SLC26A8: variants seen among roughly 807,000 people sequenced by gnomAD.
SLC26A8 encodes the protein testis anion transporter 1.
A neutral mutation model predicts 105.0 loss-of-function variants in SLC26A8; 70 were observed. The observed-to-expected ratio is 0.67, with a 90% CI of 0.55 to 0.81. SLC26A8 has a LOEUF of 0.81. SLC26A8 is among the 40% of genes least tolerant of loss of function. The pLI is 0.00. For synonymous variants in SLC26A8, 415 were observed against 438.3 expected (o/e 0.95, Z 0.66); for missense variants, 998 against 1,181.8 (o/e 0.84, Z 2.28).
At chr6:36,018,977 AGTGTAG>A (rs1762062169) in intron 2 of SLC26A8, among the ~76,000 whole-genome samples, 1 of 152,072 alleles carries the variant, frequency 6.6e-6, no homozygotes, top group Non-Finnish European at 1.5e-5. Flanking sequence ...CCCAGGCTAG[AGTGTAG>A]TGGCACAATC....
chr6:35,991,765 G>A lies in SLC26A8; in HGVS notation c.836C>T (p.Thr279Ile). 6.2e-7 allele frequency: 1 copy of A among 1,603,514 alleles called. No individual in the cohort carries two copies. The highest frequency in any genetic ancestry group is 8.5e-7 in the Non-Finnish European group (1 of 1,176,344). Residue 279 changes from threonine (T) to isoleucine (I), a missense_variant, in exon 7 of 20, where the codon ACC becomes ATC. Transcript: ENST00000490799. ...AACAGTTAGAAATACTAGAATGCTG[G>A]TGGAATTCGCTTTTGGGAGAGCTAC... ...YCVALPKANSTSILVFLTVVV... is the reference protein window; with the variant it reads ...YCVALPKANSISILVFLTVVV...
At chr6:35,989,482 T>C (rs1773665629) in intron 7 of SLC26A8, 1 of 152,218 alleles carries the variant, frequency 6.6e-6, no homozygotes, top group African/African-American at 2.4e-5. Context: ...AGGAAATCAT[T>C]ACACACATTA....
At chr6:35,957,186 C>T (rs1248353763) in intron 16 of SLC26A8, among the ~76,000 whole-genome samples, 1 of 152,126 alleles carries the variant, frequency 6.6e-6, no homozygotes, top group Non-Finnish European at 1.5e-5. Flanking sequence ...CGCACCATCC[C>T]ACTCCAGCCC....
chr6:35,988,454 C>T (rs12198793), intron 7 of SLC26A8, among the ~76,000 whole-genome samples: 3 of 151,844 alleles, frequency 2.0e-5, no homozygotes, highest in Admixed American at 6.6e-5. Flanking sequence ...GCCAACATGG[C>T]GAAACCCCCA....
At chr6:36,015,207 GGTTC>G (rs1406655880) in intron 2 of SLC26A8, among the ~76,000 whole-genome samples, 2 of 151,232 alleles carry the variant, frequency 1.3e-5, no homozygotes, top group Non-Finnish European at 2.9e-5. Flanking sequence ...TTCCGGTCCT[GGTTC>G]AAGCAATTCT....
chr6:35,967,308 G>A (rs868375203), intron 11 of SLC26A8, among the ~76,000 whole-genome samples: 1 of 151,994 alleles, frequency 6.6e-6, no homozygotes, highest in Admixed American at 6.6e-5. Context: ...CCAGCTTCAG[G>A]GACAGCCACC....
intron 9 of SLC26A8, 47 bp downstream of exon 9, chr6:35,977,157 T>C (rs1773069386): frequency 6.4e-7 from 1 of 1,571,266 alleles, no homozygotes; most frequent in African/African-American, 1.4e-5. Context: ...GAGGCTTTGA[T>C]TAAAGAACAA....
chr6:35,977,347 G>A lies in SLC26A8; in HGVS notation c.1030C>T (p.Leu344=). The A allele has an allele frequency of 1.2e-6, 2 of 1,612,698 alleles. No individual in the cohort carries two copies. The highest frequency in any genetic ancestry group is 8.5e-7 in the Non-Finnish European group (1 of 1,179,476). Residue 344 remains leucine, a synonymous_variant, in exon 9 of 20, where the codon CTG becomes TTG. Transcript: ENST00000490799. ...CTGAAATCTGGTGTTACAGGAAGCA[G>A]AAAGCTGGAATAGAATAGTGGAATT... The part of the protein sequence containing the change: ...TLIDMIPYSF[L]LPVTPDFSLL...
chr6:35,962,706 G>C, intron 11 of SLC26A8, 85 bp from the exon 12 acceptor site: 1 of 1,263,614 alleles, frequency 7.9e-7, no homozygotes, highest in African/African-American at 1.5e-5. Context: ...CAAAAAGTTA[G>C]CCTTGCCACT....
chr6:36,023,257 G>T (rs887191274), intron 1 of SLC26A8, among the ~76,000 whole-genome samples: 14 of 151,614 alleles, frequency 9.2e-5, no homozygotes, highest in Non-Finnish European at 2.1e-4. Flanking sequence ...TAAAAGTAAA[G>T]AATAGGCCAG....
chr6:36,000,034 C>T lies in SLC26A8; in HGVS notation c.403G>A (p.Val135Ile), dbSNP rs952662385. The T allele has an allele frequency of 1.2e-6, 2 of 1,613,930 alleles. No homozygotes were observed. Among genetic ancestry groups the T allele is most frequent in the Non-Finnish European group, 8.5e-7 (1 of 1,179,990 alleles). Residue 135 changes from valine (V) to isoleucine (I), a missense_variant, in exon 4 of 20, where the codon GTA becomes ATA. Transcript: ENST00000490799. ...NIAYAAFCSSVIYVIFGSCHQ... is the reference protein window; with the variant it reads ...NIAYAAFCSSIIYVIFGSCHQ... The stretch of plus-strand genomic sequence containing the variant: ...CACGATCCAAAAATTACATAGATTA[C>T]CGAAGAACAGAAAGCTGCATAAGCG...
intron 2 of SLC26A8, among the ~76,000 whole-genome samples, chr6:36,018,800 C>T (rs916938260): frequency 2.0e-5 from 3 of 152,168 alleles, no homozygotes; most frequent in African/African-American, 4.8e-5. Flanking sequence ...CTAGTCACAG[C>T]GGGTATCAGA....
intron 5 of SLC26A8, among the ~76,000 whole-genome samples, chr6:35,995,667 C>T (rs532483443): frequency 1.0e-5 from 1 of 97,832 alleles, no homozygotes; most frequent in South Asian, 4.5e-4. Flanking sequence ...CCACACCCAG[C>T]TATTTTTTTT....
chr6:35,954,373 A>G (rs866194772), intron 17 of SLC26A8, among the ~76,000 whole-genome samples: 1 of 152,164 alleles, frequency 6.6e-6, no homozygotes, highest in African/African-American at 2.4e-5. Flanking sequence ...TTTCATCCCA[A>G]CGTCTTCAAA....
rs774029662 is a variant in SLC26A8 at position 35,944,292 on chromosome 6, T to G, written c.2521A>C (p.Lys841Gln). The G allele has an allele frequency of 4.6e-5, 75 of 1,613,898 alleles. No individual in the cohort carries two copies. The highest frequency in any genetic ancestry group is 6.0e-5 in the Non-Finnish European group (71 of 1,179,976). Residue 841 changes from lysine to glutamine, a missense_variant, in exon 20 of 20, where the codon AAA becomes CAA. Coordinates refer to ENST00000490799, the MANE Select transcript of SLC26A8 (RefSeq NM_052961.4). ...KMSSSFLGSQKNVSPGFIKIQ... is the reference protein window; with the variant it reads ...KMSSSFLGSQQNVSPGFIKIQ... Reference sequence around the variant, plus strand: ...TTGATGAAGCCTGGACTTACATTTTTTTGGCTTCCTAGAAAACTGCTGCTC... The same window carrying G: ...TTGATGAAGCCTGGACTTACATTTTGTTGGCTTCCTAGAAAACTGCTGCTC...
intron 19 of SLC26A8, 133 bp from the exon 20 acceptor site, chr6:35,944,473 C>A: frequency 1.9e-6 from 1 of 535,572 alleles, no homozygotes; most frequent in Non-Finnish European, 3.3e-6. Flanking sequence ...GAGTTCAAGG[C>A]CAGCCTGGGC....
chr6:35,943,873 T>A lies in SLC26A8; in HGVS notation c.*27A>T, dbSNP rs1771567210. The A allele has an allele frequency of 6.2e-7, 1 of 1,604,818 alleles. No individual in the cohort carries two copies. The highest frequency in any genetic ancestry group is 2.2e-5 in the East Asian group (1 of 44,740). On this transcript the variant is annotated 3_prime_UTR_variant, in exon 20 of 20. Coordinates refer to ENST00000490799, the MANE Select transcript of SLC26A8 (RefSeq NM_052961.4). The stretch of plus-strand genomic sequence containing the variant: ...TGGGTAGGAGGATTTGCCAGCATTA[T>A]CTGACCCCTTATTTCTAGTTCATCT...
rs750395557 is a variant in SLC26A8, at chr6:36,004,820, ATT to A, written c.329-4714_329-4713del. On this transcript the variant is annotated intron_variant, in intron 3 of 19. Coordinates refer to ENST00000490799, the MANE Select transcript of SLC26A8 (RefSeq NM_052961.4). ...CGCTTGCACCACCACACCTAGTTAA[ATT>A]TTTTTTTTTTTTTTTTTTTTTTAGT... Among the ~76,000 whole-genome samples the A allele has an allele frequency of 1.0e-2, 1,216 of 121,976 alleles. 21 individuals are homozygous for A. The highest frequency in any genetic ancestry group is 0.035 in the African/African-American group (1,108 of 32,070). 80.0% of individuals were successfully genotyped at this position (121,976 alleles called of 152,430 possible).
intron 3 of SLC26A8, among the ~76,000 whole-genome samples, chr6:36,001,583 C>T (rs1761524890): frequency 6.6e-6 from 1 of 152,238 alleles, no homozygotes; most frequent in South Asian, 2.1e-4. Flanking sequence ...ATCTTGGTTG[C>T]TCTCTCATTC....
Sources: gnomAD v4.1 joint callset for allele counts (sites outside exome capture counted in the v4.1 genomes callset) on GRCh38, gnomAD v4.1.1 for gene constraint, MANE v1.5 for transcripts, NCBI Gene and HGNC (gene_info 2026-07-23, HGNC 2026-07-21) for gene names.